Variants in GNG12 observed in about 807,000 individuals in gnomAD.
GNG12 encodes the protein guanine nucleotide-binding protein G(I)/G(S)/G(O) subunit gamma-12.
For synonymous variants in GNG12, 28 were observed against 29.7 expected (o/e 0.94, Z 0.19); for missense variants, 69 against 83.8 (o/e 0.82, Z 0.69).
intron 1 of GNG12, among the ~76,000 whole-genome samples, chr1:67,801,726 C>T (rs1424780276): frequency 5.3e-5 from 8 of 152,118 alleles, no homozygotes; most frequent in Non-Finnish European, 1.2e-4. Context: ...CCCAAATTCT[C>T]GCTTAACGGT....
At chr1:67,819,133 T>C (rs545191165) in intron 1 of GNG12, among the ~76,000 whole-genome samples, 2 of 152,142 alleles carry the variant, frequency 1.3e-5, no homozygotes, top group Non-Finnish European at 1.5e-5. Flanking sequence ...GAAGCAGACA[T>C]GCGGGCGCTT....
At chr1:67,712,750 A>G (rs944944877) in intron 2 of GNG12, among the ~76,000 whole-genome samples, 13 of 151,598 alleles carry the variant, frequency 8.6e-5, no homozygotes, top group Non-Finnish European at 1.6e-4. Flanking sequence ...CACCCTTCCC[A>G]CTGCGCCAAG....
intron 1 of GNG12, among the ~76,000 whole-genome samples, chr1:67,788,061 C>G (rs1356270856): frequency 6.6e-6 from 1 of 152,172 alleles, no homozygotes; most frequent in African/African-American, 2.4e-5. Flanking sequence ...GACTGACCTC[C>G]CCAAGCTAAC....
intron 2 of GNG12, among the ~76,000 whole-genome samples, chr1:67,771,983 T>C (rs1646677586): frequency 6.6e-6 from 1 of 152,324 alleles, no homozygotes; most frequent in Non-Finnish European, 1.5e-5. Flanking sequence ...ATGCTTATCA[T>C]GGACACTACA....
chr1:67,762,539 A>G (rs555110676), intron 2 of GNG12, among the ~76,000 whole-genome samples: 1 of 152,346 alleles, frequency 6.6e-6, no homozygotes, highest in African/African-American at 2.4e-5. Context: ...AAAGTTTAAA[A>G]GAGTATGTAT....
At chr1:67,730,054 A>G (rs554077634) in intron 2 of GNG12, among the ~76,000 whole-genome samples, 7 of 152,358 alleles carry the variant, frequency 4.6e-5, no homozygotes, top group African/African-American at 1.4e-4. Context: ...AGCACTATTC[A>G]AATGGAAACT....
At chr1:67,787,017 GTA>G (rs1171037662) in intron 1 of GNG12, among the ~76,000 whole-genome samples, 2 of 133,018 alleles carry the variant, frequency 1.5e-5, no homozygotes, top group African/African-American at 5.7e-5. Flanking sequence ...CTGTGTGTGT[GTA>G]TATATGTATG....
At chr1:67,750,995 TA>T (rs1266612955) in intron 2 of GNG12, among the ~76,000 whole-genome samples, 1 of 152,168 alleles carries the variant, frequency 6.6e-6, no homozygotes, top group Non-Finnish European at 1.5e-5. Context: ...TGCTCCTCAT[TA>T]AAAAAGATGC....
At chr1:67,813,383 A>G (rs759289768) in intron 1 of GNG12, among the ~76,000 whole-genome samples, 31 of 152,188 alleles carry the variant, frequency 2.0e-4, no homozygotes, top group Non-Finnish European at 4.1e-4. Flanking sequence ...GAAAAAAAGT[A>G]TATTTCTCCA....
At chr1:67,806,195 TAAAG>T (rs1371103953) in intron 1 of GNG12, among the ~76,000 whole-genome samples, 1 of 151,712 alleles carries the variant, frequency 6.6e-6, no homozygotes, top group Non-Finnish European at 1.5e-5. Flanking sequence ...CAGATCTACA[TAAAG>T]AAAGAAAGCA....
At chr1:67,744,452 T>C (rs1646497944) in intron 2 of GNG12, among the ~76,000 whole-genome samples, 1 of 152,204 alleles carries the variant, frequency 6.6e-6, no homozygotes, top group African/African-American at 2.4e-5. Context: ...CACTGTGCCC[T>C]ACACTGTGCT....
intron 2 of GNG12, among the ~76,000 whole-genome samples, chr1:67,716,155 A>G (rs1033067511): frequency 2.0e-5 from 3 of 152,192 alleles, no homozygotes; most frequent in Admixed American, 6.5e-5. Context: ...CGGGTAGGGA[A>G]GACAGAGTGT....
At chr1:67,806,135 T>G (rs1214116439) in intron 1 of GNG12, among the ~76,000 whole-genome samples, 1 of 150,608 alleles carries the variant, frequency 6.6e-6, no homozygotes, top group East Asian at 1.9e-4. Context: ...TTGTAAGAAA[T>G]GTTAAAAGAA....
intron 1 of GNG12, among the ~76,000 whole-genome samples, chr1:67,820,078 T>A (rs1305732351): frequency 8.0e-6 from 1 of 124,816 alleles, no homozygotes; most frequent in Non-Finnish European, 1.7e-5. Context: ...CAATAAACAT[T>A]TGCTGAATTA....
At chr1:67,798,879 G>A (rs754895949) in intron 1 of GNG12, among the ~76,000 whole-genome samples, 4 of 151,996 alleles carry the variant, frequency 2.6e-5, no homozygotes, top group African/African-American at 9.7e-5. Flanking sequence ...GCTTGAACCC[G>A]GGAGGTGGAG....
rs190583401 is a variant in GNG12, at chr1:67,763,167, T to C, written c.-27+14291A>G. Among the ~76,000 whole-genome samples the C allele has an allele frequency of 2.0e-3, 302 of 148,776 alleles. 1 individual carries two copies. The Middle Eastern group carries it at 0.029, about 14-fold the overall frequency. On this transcript the variant is annotated intron_variant, in intron 2 of 3. Transcript: ENST00000370982. The stretch of plus-strand genomic sequence containing the variant: ...TAAATATTTCAGTGTATACTTCCTA[T>C]GAATAAGAATAAGGAATTCTCATAT...
intron 1 of GNG12, among the ~76,000 whole-genome samples, chr1:67,824,606 TATA>T (rs1448155285): frequency 2.0e-5 from 3 of 152,180 alleles, no homozygotes; most frequent in African/African-American, 7.2e-5. Flanking sequence ...TGTATATGGT[TATA>T]ATGTTTCTTG....
At chr1:67,802,215 G>T (rs1414276202) in intron 1 of GNG12, among the ~76,000 whole-genome samples, 2 of 152,216 alleles carry the variant, frequency 1.3e-5, no homozygotes, top group African/African-American at 4.8e-5. Flanking sequence ...CAAAGACCTG[G>T]AGGTTCTCTA....
intron 2 of GNG12, among the ~76,000 whole-genome samples, chr1:67,715,353 G>GT (rs1368397660): frequency 6.6e-6 from 1 of 152,244 alleles, no homozygotes; most frequent in African/African-American, 2.4e-5. Flanking sequence ...GTCTGTGGCA[G>GT]TTTGTTATGG....
Sources: allele counts gnomAD v4.1 joint callset (sites outside exome capture counted in the v4.1 genomes callset), GRCh38; gene constraint gnomAD v4.1.1; transcripts MANE v1.5; gene names NCBI Gene and HGNC (gene_info 2026-07-23, HGNC 2026-07-21).